SORCS2: variants seen among roughly 807,000 people sequenced by gnomAD.
SORCS2 encodes sortilin related VPS10 domain containing receptor 2, also known as VPS10 domain-containing receptor SorCS2.
A neutral mutation model predicts 141.6 loss-of-function variants in SORCS2; 100 were observed. That is an observed-to-expected ratio of 0.71 (90% confidence interval 0.60 to 0.83). SORCS2 has a LOEUF of 0.83. SORCS2 is among the 40% of genes least tolerant of loss of function. The probability of loss-of-function intolerance (pLI) is 0.00; values close to 1 mark genes in which losing one functional copy is unlikely to be tolerated. For synonymous variants in SORCS2, 789 were observed against 676.9 expected (o/e 1.17, Z -2.57); for missense variants, 1,646 against 1,560.2 (o/e 1.05, Z -0.93).
chr4:7,588,097 T>A (rs1716662351), intron 3 of SORCS2, among the ~76,000 whole-genome samples: 1 of 152,120 alleles, frequency 6.6e-6, no homozygotes, highest in African/African-American at 2.4e-5. Flanking sequence ...AGATCAGCGG[T>A]CATTAAAGTG....
At chr4:7,645,813 T>C (rs1400033534) in intron 4 of SORCS2, among the ~76,000 whole-genome samples, 1 of 152,176 alleles carries the variant, frequency 6.6e-6, no homozygotes, top group Non-Finnish European at 1.5e-5. Flanking sequence ...CCAGTGAAGC[T>C]CCGTTTACAA....
chr4:7,688,192 C>T (rs574445362), intron 10 of SORCS2, among the ~76,000 whole-genome samples: 25 of 152,096 alleles, frequency 1.6e-4, no homozygotes, highest in Non-Finnish European at 3.2e-4. Flanking sequence ...ATACCTCTGA[C>T]GTGATGTTAG....
At chr4:7,322,962 G>T (rs13122852) in intron 1 of SORCS2, among the ~76,000 whole-genome samples, 1 of 122,876 alleles carries the variant, frequency 8.1e-6, no homozygotes, top group Non-Finnish European at 1.7e-5. Context: ...CCTTGAGGAC[G>T]GCCCTGCCCG....
At chr4:7,372,463 C>T (rs1467253494) in intron 1 of SORCS2, among the ~76,000 whole-genome samples, 4 of 151,990 alleles carry the variant, frequency 2.6e-5, no homozygotes, top group Non-Finnish European at 2.9e-5. Context: ...CCTGCTACCA[C>T]GCCTGGCTAA....
rs377089315 is a variant in SORCS2 at position 7,684,244 on chromosome 4, C to T, written c.1488+1355C>T. Reference sequence around the variant, plus strand: ...ACTATGTGATCTTGGCTACATCAACCAGTGCCTCTGAGCCTCTGTTGAAAA... The same window carrying T: ...ACTATGTGATCTTGGCTACATCAACTAGTGCCTCTGAGCCTCTGTTGAAAA... On this transcript the variant is annotated intron_variant, in intron 10 of 26. Coordinates refer to ENST00000507866, the MANE Select transcript of SORCS2 (RefSeq NM_020777.3). Among the ~76,000 whole-genome samples, 6 of 152,228 alleles carry T rather than the reference C, an allele frequency of 3.9e-5. No homozygotes were observed. In the East Asian group the frequency reaches 5.8e-4, roughly 15 times the overall value.
At position 7,664,401 on chromosome 4, in the gene SORCS2, T is replaced by A; in HGVS notation, c.1001T>A (p.Leu334Gln). 6.2e-7 allele frequency: 1 copy of A among 1,613,892 alleles called. No individual in the cohort carries two copies. Among genetic ancestry groups the A allele is most frequent in the Non-Finnish European group, 8.5e-7 (1 of 1,179,850 alleles). The change falls in exon 7 of 27, where the codon CTG becomes CAG. Residue 334 changes from leucine to glutamine, a missense_variant. Leu to Gln is a moderately radical substitution (Grantham distance 113, BLOSUM62 -2). Transcript: ENST00000507866. The surrounding 1 kb of genome is among the most constrained non-coding windows in gnomAD (Gnocchi z 4.7). ...ATCCACAATTGCTCCGAGAAGATGC[T>A]GACAGCCCCATTCGCAGGCCCCATT... The part of the protein sequence containing the change: ...CAIHNCSEKM[L>Q]TAPFAGPIDH...
chr4:7,280,837 A>G (rs1715829297), intron 1 of SORCS2, among the ~76,000 whole-genome samples: 1 of 152,206 alleles, frequency 6.6e-6, no homozygotes, highest in Admixed American at 6.5e-5. Flanking sequence ...GAATGATATA[A>G]CCCAAGTACA....
intron 2 of SORCS2, among the ~76,000 whole-genome samples, chr4:7,409,842 T>C (rs1725190376): frequency 6.6e-6 from 1 of 152,212 alleles, no homozygotes; most frequent in South Asian, 2.1e-4. Flanking sequence ...TGTATATTTG[T>C]TTTTGGTTTT....
intron 2 of SORCS2, among the ~76,000 whole-genome samples, chr4:7,527,642 C>T (rs1384853283): frequency 1.6e-4 from 24 of 152,276 alleles, no homozygotes; most frequent in Middle Eastern, 6.8e-3. Flanking sequence ...TTTTAAGCTG[C>T]TGAGTCTGTG....
intron 2 of SORCS2, among the ~76,000 whole-genome samples, chr4:7,493,895 A>T (rs1731452470): frequency 6.6e-6 from 1 of 152,228 alleles, no homozygotes; most frequent in African/African-American, 2.4e-5. Context: ...CTCGAAATAA[A>T]CCAGGAAGTA....
rs545974084 is a variant in SORCS2 at position 7,591,223 on chromosome 4, C to T, written c.649-47105C>T. Among the ~76,000 whole-genome samples the T allele has an allele frequency of 6.3e-4, 96 of 152,192 alleles. 1 individual carries two copies. Among genetic ancestry groups the T allele is most frequent in the Admixed American group, 6.0e-3 (92 of 15,282 alleles). On this transcript the variant is annotated intron_variant, in intron 3 of 26. Transcript: ENST00000507866. ...CTTCTTCTCTTGTGCTCAGCCTCCTCGCGCTCTCCCCTCCACCTGCTGCTG... is the reference window on the plus strand; with the variant it reads ...CTTCTTCTCTTGTGCTCAGCCTCCTTGCGCTCTCCCCTCCACCTGCTGCTG...
chr4:7,357,440 A>G (rs931355084), intron 1 of SORCS2, among the ~76,000 whole-genome samples: 3 of 152,158 alleles, frequency 2.0e-5, no homozygotes, highest in Non-Finnish European at 4.4e-5. Context: ...ACAGGTTCCC[A>G]TGTTGGCAGA....
intron 11 of SORCS2, among the ~76,000 whole-genome samples, chr4:7,692,840 G>A (rs530915241): frequency 6.6e-6 from 1 of 152,260 alleles, no homozygotes; most frequent in Non-Finnish European, 1.5e-5. Context: ...GGGGAGTGCC[G>A]CGCTGGGGTC....
At chr4:7,394,224 C>A (rs1016980675) in intron 1 of SORCS2, among the ~76,000 whole-genome samples, 1 of 152,156 alleles carries the variant, frequency 6.6e-6, no homozygotes, top group Non-Finnish European at 1.5e-5. Context: ...ATAAACGATC[C>A]TTCCTTTGGG....
chr4:7,474,979 G>T (rs1481556620), intron 2 of SORCS2, among the ~76,000 whole-genome samples: 1 of 152,164 alleles, frequency 6.6e-6, no homozygotes, highest in Non-Finnish European at 1.5e-5. Context: ...TGTCCCTGCT[G>T]TGTGTGTCTT....
intron 3 of SORCS2, among the ~76,000 whole-genome samples, chr4:7,616,602 G>C (rs907096399): frequency 2.6e-5 from 4 of 152,198 alleles, no homozygotes; most frequent in African/African-American, 4.8e-5. Context: ...ATCTCTGTGG[G>C]TTGGTTGGGT....
chr4:7,336,918 C>T (rs892621067), intron 1 of SORCS2, among the ~76,000 whole-genome samples: 15 of 152,114 alleles, frequency 9.9e-5, no homozygotes, highest in African/African-American at 3.1e-4. Flanking sequence ...GTCCCTGAGC[C>T]GCCCTGAGCC....
At chr4:7,497,347 T>G (rs1286083131) in intron 2 of SORCS2, among the ~76,000 whole-genome samples, 1 of 152,216 alleles carries the variant, frequency 6.6e-6, no homozygotes, top group East Asian at 1.9e-4. Context: ...AGAGGAGGAC[T>G]GGGGCTCTGG....
intron 2 of SORCS2, among the ~76,000 whole-genome samples, chr4:7,403,860 T>C (rs1724744054): frequency 6.7e-6 from 1 of 149,624 alleles, no homozygotes; most frequent in African/African-American, 2.4e-5. Flanking sequence ...ACCCGAATAA[T>C]GTACACTGTA....
Sources: allele counts gnomAD v4.1 joint callset (sites outside exome capture counted in the v4.1 genomes callset), GRCh38; gene constraint gnomAD v4.1.1; non-coding constraint Gnocchi (gnomAD v3.1); transcripts MANE v1.5; gene names NCBI Gene and HGNC (gene_info 2026-07-23, HGNC 2026-07-21).